Variants in MED12L observed in about 807,000 individuals in gnomAD.
MED12L encodes mediator complex subunit 12L, also known as mediator of RNA polymerase II transcription subunit 12-like protein.
Under a neutral mutation model 281.3 loss-of-function variants are expected in MED12L, and 60 were observed. The observed-to-expected ratio is 0.21, with a 90% CI of 0.17 to 0.26. MED12L has a LOEUF of 0.26. Among genes scored for constraint, MED12L ranks in the 10% least tolerant of loss-of-function variants. The pLI, the probability that MED12L is intolerant of heterozygous loss-of-function variation, is 1.00. For missense variants in MED12L, 2,146 were observed against 2,680.9 expected (o/e 0.80, Z 4.41); for synonymous variants, 974 against 987.2 (o/e 0.99, Z 0.25).
At chr3:151,144,268 G>T (rs1189360591) in intron 5 of MED12L, among the ~76,000 whole-genome samples, 1 of 150,936 alleles carries the variant, frequency 6.6e-6, no homozygotes, top group Non-Finnish European at 1.5e-5. Flanking sequence ...ACAACTGGGG[G>T]AAAAAAAAAT....
chr3:151,199,485 A>T, intron 16 of MED12L: 1 of 1,049,542 alleles, frequency 9.5e-7, no homozygotes, highest in Non-Finnish European at 1.4e-6. Flanking sequence ...AAAATTAGCA[A>T]CTATTTTCTT....
chr3:151,150,193 C>G (rs976504960), intron 5 of MED12L, among the ~76,000 whole-genome samples: 6 of 152,180 alleles, frequency 3.9e-5, no homozygotes, highest in African/African-American at 1.2e-4. Context: ...AAATATATGT[C>G]TTAAATAATA....
chr3:151,292,827 C>T (rs1174179291), intron 16 of MED12L, among the ~76,000 whole-genome samples: 1 of 152,138 alleles, frequency 6.6e-6, no homozygotes, highest in East Asian at 1.9e-4. Flanking sequence ...CTGTAATTTA[C>T]CTGTGACTTT....
intron 16 of MED12L, among the ~76,000 whole-genome samples, chr3:151,204,977 A>G (rs1369365094): frequency 6.6e-6 from 1 of 152,206 alleles, no homozygotes; most frequent in African/African-American, 2.4e-5. Flanking sequence ...TCAGAGTTCT[A>G]TTTAATTTTT....
chr3:151,368,180 C>T lies in MED12L; in HGVS notation c.3479C>T (p.Ala1160Val), dbSNP rs1472677463. ...GGGGATGCGGACGCCGAGCCTGGGG[C>T]GAGAATGACATGCCGACTCTTGCTT... ...ACGDADAEPG[A>V]RMTCRLLLHL... The change falls in exon 25 of 45, where the codon GCG becomes GTG. Residue 1160 changes from alanine (A) to valine (V), a missense_variant. By Grantham distance (64) the Ala-to-Val change is moderately conservative. Around this residue, in one of 9 missense-constraint regions of MED12L, gnomAD observed 404 missense variants for 603.5 expected, o/e 0.67. Coordinates refer to ENST00000687756, the MANE Select transcript of MED12L (RefSeq NM_001393769.1). 2 of 1,613,998 alleles carry T rather than the reference C, an allele frequency of 1.2e-6. No individual in the cohort carries two copies. Among genetic ancestry groups the T allele is most frequent in the South Asian group, 1.1e-5 (1 of 91,084 alleles).
chr3:151,408,410 G>T (rs926599406), intron 39 of MED12L, among the ~76,000 whole-genome samples: 4 of 151,816 alleles, frequency 2.6e-5, no homozygotes, highest in Non-Finnish European at 5.9e-5. Flanking sequence ...TTTAAAATGA[G>T]AATCTCTGTT....
intron 3 of MED12L, 34 bp from the exon 4 acceptor site, chr3:151,122,749 C>CTT (rs1185853593): frequency 1.3e-6 from 2 of 1,505,968 alleles, no homozygotes; most frequent in Admixed American, 4.2e-5. Flanking sequence ...TGCTTATTGT[C>CTT]TTAACTTTCC....
In MED12L at chr3:151,190,807, A is replaced by G. The variant is rs757754834; in HGVS notation, c.1844A>G (p.Asp615Gly). ...ATCCGCCATGATGTCTTCTCCCATG[A>G]CGCATACATGTGTACCCTCATATCT... is the stretch of plus-strand genomic sequence containing the variant. The part of the protein sequence containing the change: ...EFIRHDVFSH[D>G]AYMCTLISRG... The change falls in exon 14 of 45, where the codon GAC becomes GGC. Residue 615 changes from aspartate (D) to glycine (G), a missense_variant. Physicochemically the swap from Asp to Gly is moderately conservative, Grantham distance 94. Coordinates refer to ENST00000687756, the MANE Select transcript of MED12L (RefSeq NM_001393769.1). The G allele has an allele frequency of 1.7e-5, 27 of 1,614,012 alleles. No individual in the cohort carries two copies. Among genetic ancestry groups the G allele is most frequent in the Non-Finnish European group, 2.3e-5 (27 of 1,180,036 alleles).
rs778582833 is a variant in MED12L at position 151,409,312 on chromosome 3, C to T, written c.5890C>T (p.Pro1964Ser). ...ARPSPQLPQY[P>S]GLQQAQTMPQ... ...GCCCTCCCCTCAGCTCCCTCAGTATCCAGGGCTGCAGCAAGCACAGGTACC... is the reference window on the plus strand; with the variant it reads ...GCCCTCCCCTCAGCTCCCTCAGTATTCAGGGCTGCAGCAAGCACAGGTACC... The change falls in exon 40 of 45, where the codon CCA becomes TCA. Residue 1964 changes from proline to serine, a missense_variant. Around this residue, in one of 9 missense-constraint regions of MED12L, gnomAD observed 496 missense variants for 512.0 expected, o/e 0.97. Transcript: ENST00000687756. The T allele has an allele frequency of 6.2e-7, 1 of 1,614,000 alleles. No individual in the cohort carries two copies. Among genetic ancestry groups the T allele is most frequent in the Non-Finnish European group, 8.5e-7 (1 of 1,180,004 alleles).
intron 24 of MED12L, 45 bp downstream of exon 24, chr3:151,367,811 T>G (rs753622597): frequency 3.3e-5 from 52 of 1,570,270 alleles, no homozygotes; most frequent in Non-Finnish European, 4.4e-5. Flanking sequence ...GATTGTTGTC[T>G]TGATGGAGTG....
intron 21 of MED12L, among the ~76,000 whole-genome samples, chr3:151,362,463 T>A (rs560606697): frequency 3.9e-5 from 6 of 152,222 alleles, no homozygotes; most frequent in African/African-American, 1.2e-4. Flanking sequence ...CTTGTGATAC[T>A]TGTCCTCAGT....
At chr3:151,399,740 CT>C (rs1018896296) in intron 39 of MED12L, among the ~76,000 whole-genome samples, 1 of 152,130 alleles carries the variant, frequency 6.6e-6, no homozygotes, top group Admixed American at 6.5e-5. Flanking sequence ...ACAACAGGAA[CT>C]TTTTTTCAGC....
Position 151,396,929 on chromosome 3 carries a change from C to G in MED12L, c.5820+2062C>G, listed in dbSNP as rs531862846. On this transcript the variant is annotated intron_variant, in intron 39 of 44. Coordinates refer to ENST00000687756, the MANE Select transcript of MED12L (RefSeq NM_001393769.1). Reference sequence around the variant, plus strand: ...TTTAATTGAATAATCTACATGTAATCAAAGATATCCTTGCATATTTGGGGA... The same window carrying G: ...TTTAATTGAATAATCTACATGTAATGAAAGATATCCTTGCATATTTGGGGA... Among the ~76,000 whole-genome samples, 5 of 152,264 alleles carry G rather than the reference C, an allele frequency of 3.3e-5. 1 individual carries two copies. Among genetic ancestry groups the G allele is most frequent in the Admixed American group, 3.3e-4 (5 of 15,294 alleles).
chr3:151,092,918 G>C (rs149729366), intron 2 of MED12L, among the ~76,000 whole-genome samples: 90 of 152,258 alleles, frequency 5.9e-4, no homozygotes, highest in African/African-American at 1.6e-3. Flanking sequence ...TGGTTGGGAG[G>C]TCCTGCTGTT....
At chr3:151,191,542 A>G (rs571060422) in intron 14 of MED12L, among the ~76,000 whole-genome samples, 5 of 152,358 alleles carry the variant, frequency 3.3e-5, no homozygotes, top group Admixed American at 3.3e-4. Context: ...TGAAATTTTC[A>G]AGGCAAAAAA....
At chr3:151,153,970 T>A (rs572081561) in intron 5 of MED12L, among the ~76,000 whole-genome samples, 2 of 152,184 alleles carry the variant, frequency 1.3e-5, no homozygotes, top group Non-Finnish European at 2.9e-5. Context: ...TGTTAAAAGT[T>A]CCCGTCACCA....
Position 151,411,313 on chromosome 3 carries a change from G to C in MED12L, c.5946G>C (p.Gln1982His). The C allele has an allele frequency of 6.2e-7, 1 of 1,614,234 alleles. No homozygotes were observed. Among genetic ancestry groups the C allele is most frequent in the South Asian group, 1.1e-5 (1 of 91,088 alleles). Residue 1982 changes from glutamine (Q) to histidine (H), a missense_variant, in exon 41 of 45, where the codon CAG becomes CAC. Gln to His is a conservative substitution (Grantham distance 24, BLOSUM62 0). Around this residue, in one of 9 missense-constraint regions of MED12L, gnomAD observed 496 missense variants for 512.0 expected, o/e 0.97. Coordinates refer to ENST00000687756, the MANE Select transcript of MED12L (RefSeq NM_001393769.1). ...AGGGCTATACAATGTATGGGACACA[G>C]ATGCCTTTGCAGCAGACATCGCAGC... is the stretch of plus-strand genomic sequence containing the variant. ...MPQGYTMYGT[Q>H]MPLQQTSQQQ...
intron 16 of MED12L, among the ~76,000 whole-genome samples, chr3:151,253,216 A>T (rs1162076365): frequency 1.3e-5 from 2 of 152,168 alleles, no homozygotes. Context: ...GCCTGTTCCG[A>T]GAAAAGCCAA....
chr3:151,435,558 G>GT lies in MED12L; in HGVS notation c.*2758dup, dbSNP rs1172346427. 6.6e-6 allele frequency: 1 copy of GT among 152,056 alleles called. No individual in the cohort carries two copies. The highest frequency in any genetic ancestry group is 1.5e-5 in the Non-Finnish European group (1 of 68,008). The allele number at this position is 152,056 out of a possible 1,614,324, so 9.4% of individuals were successfully genotyped here. ...GGGGCTAACTTATTAGTAATTCTCG[G>GT]TTTTGTGCACTGAGATATCTAAGAC... On this transcript the variant is annotated 3_prime_UTR_variant, in exon 45 of 45. Transcript: ENST00000687756.
Sources: gnomAD v4.1 joint callset for allele counts (sites outside exome capture counted in the v4.1 genomes callset) on GRCh38, gnomAD v4.1.1 for gene constraint, gnomAD v4.1.1 regional missense constraint, MANE v1.5 for transcripts, NCBI Gene and HGNC (gene_info 2026-07-23, HGNC 2026-07-21) for gene names.